The following GLCCI1 variants were observed in gnomAD, a reference collection of about 807,000 sequenced individuals.
GLCCI1 encodes the protein glucocorticoid-induced transcript 1 protein.
A neutral mutation model predicts 52.2 loss-of-function variants in GLCCI1; 24 were observed. The ratio of observed to expected loss-of-function variants is 0.46; its 90% CI spans 0.33 to 0.65. GLCCI1 has a LOEUF of 0.65. Among genes scored for constraint, GLCCI1 ranks in the 30% least tolerant of loss-of-function variants. The probability of loss-of-function intolerance (pLI) is 0.02; values close to 1 mark genes in which losing one functional copy is unlikely to be tolerated. For synonymous variants in GLCCI1, 310 were observed against 276.5 expected, an observed-to-expected ratio of 1.12 and a Z score of -1.20; for missense variants, 704 against 701.5, an observed-to-expected ratio of 1.00 and a Z score of -0.04.
chr7:8,064,279 A>G (rs1271135602), intron 5 of GLCCI1, among the ~76,000 whole-genome samples: 1 of 152,222 alleles, frequency 6.6e-6, no homozygotes, highest in African/African-American at 2.4e-5. Flanking sequence ...TTATTTTTGT[A>G]TATGGTGTGA....
intron 3 of GLCCI1, among the ~76,000 whole-genome samples, chr7:8,040,846 T>C (rs1368307261): frequency 6.6e-6 from 1 of 152,234 alleles, no homozygotes; most frequent in East Asian, 1.9e-4. Flanking sequence ...GTGCTTTGCT[T>C]CATCAACTAT....
chr7:8,039,414 G>GTA (rs1310795912), intron 3 of GLCCI1, among the ~76,000 whole-genome samples: 2 of 152,036 alleles, frequency 1.3e-5, no homozygotes, highest in African/African-American at 2.4e-5. Flanking sequence ...CTGTGTGTGT[G>GTA]TATATATATG....
At chr7:8,046,924 T>C (rs1365155175) in intron 3 of GLCCI1, among the ~76,000 whole-genome samples, 3 of 152,054 alleles carry the variant, frequency 2.0e-5, no homozygotes, top group African/African-American at 7.2e-5. Flanking sequence ...TTTCCCAAGG[T>C]TGAAAATTTG....
At chr7:7,978,498 CTA>C (rs1362445322) in intron 1 of GLCCI1, among the ~76,000 whole-genome samples, 6 of 152,036 alleles carry the variant, frequency 3.9e-5, no homozygotes, top group South Asian at 2.1e-4. Flanking sequence ...ATTTTAATCT[CTA>C]TTTTAATAAT....
chr7:8,074,289 G>C (rs1782827419), intron 6 of GLCCI1, among the ~76,000 whole-genome samples: 2 of 152,244 alleles, frequency 1.3e-5, no homozygotes, highest in Non-Finnish European at 2.9e-5. Context: ...GTGTAAAGGA[G>C]GGAGTTGTCC....
rs752689788 is a variant in GLCCI1, at chr7:7,995,900, TAAA to T, written c.458-8002_458-8000del. 2.7e-5 allele frequency among the ~76,000 whole-genome samples: 4 copies of T among 150,728 alleles called. No individual in the cohort carries two copies. The South Asian group carries it at 8.4e-4, about 32-fold the overall frequency. On this transcript the variant is annotated intron_variant, in intron 1 of 7. Transcript: ENST00000223145. Reference sequence around the variant, plus strand: ...ATATACCCTAGAACTTAAAGTATAATAAAAAAAATAAAATAAATTTTAAGTTCA... The same window carrying T: ...ATATACCCTAGAACTTAAAGTATAATAAAAATAAAATAAATTTTAAGTTCA...
At position 7,969,397 on chromosome 7, in the gene GLCCI1, C is replaced by T; in HGVS notation, c.47C>T (p.Pro16Leu). The T allele has an allele frequency of 7.0e-7, 1 of 1,437,862 alleles. No individual in the cohort carries two copies. The highest frequency in any genetic ancestry group is 1.3e-5 in the South Asian group (1 of 75,154). 89.1% of individuals were successfully genotyped at this position (1,437,862 alleles called of 1,614,324 possible). ...SSSSSSSSQT[P>L]HPPSQRMRRS... ...TCCTCCTCCAGTTCCTCTCAGACCC[C>T]TCATCCCCCGTCGCAGAGGATGAGG... Residue 16 changes from proline (P) to leucine (L), a missense_variant, in exon 1 of 8, where the codon CCT becomes CTT. Physicochemically the swap from Pro to Leu is moderately conservative, Grantham distance 98. Around this residue, in one of 3 missense-constraint regions of GLCCI1, gnomAD observed 547 missense variants for 524.8 expected, o/e 1.04. Coordinates refer to ENST00000223145, the MANE Select transcript of GLCCI1 (RefSeq NM_138426.4). The surrounding 1 kb of genome is among the most constrained non-coding windows in gnomAD (Gnocchi z 4.9).
rs1010050676 is a variant in GLCCI1, at chr7:8,044,448, G to A, written c.697-10985G>A. On this transcript the variant is annotated intron_variant, in intron 3 of 7. Coordinates refer to ENST00000223145, the MANE Select transcript of GLCCI1 (RefSeq NM_138426.4). ...AAGTGGTGTGATGTCGGCTCACTGC[G>A]GCCTCGACCTCCTGGGTTCAAGTGA... 6.0e-5 allele frequency among the ~76,000 whole-genome samples: 9 copies of A among 150,878 alleles called. No homozygotes were observed. In the East Asian group the frequency reaches 9.8e-4, roughly 16 times the overall value.
At chr7:8,060,857 A>G (rs541266340) in intron 5 of GLCCI1, among the ~76,000 whole-genome samples, 1 of 152,312 alleles carries the variant, frequency 6.6e-6, no homozygotes, top group East Asian at 1.9e-4. Context: ...AAATGCTAAC[A>G]TGGTAACTCT....
chr7:8,013,975 G>A (rs748442729), intron 2 of GLCCI1, among the ~76,000 whole-genome samples: 2 of 147,610 alleles, frequency 1.4e-5, no homozygotes, highest in South Asian at 4.3e-4. Flanking sequence ...AACAGTTATG[G>A]TACTGAAGGC....
intron 2 of GLCCI1, among the ~76,000 whole-genome samples, chr7:8,004,688 T>A (rs919185278): frequency 1.3e-5 from 2 of 152,166 alleles, no homozygotes; most frequent in Non-Finnish European, 2.9e-5. Context: ...ACTAAAAATA[T>A]AAGAGATAGT....
At chr7:8,074,927 T>C (rs1021744576) in intron 6 of GLCCI1, among the ~76,000 whole-genome samples, 36 of 152,144 alleles carry the variant, frequency 2.4e-4, no homozygotes, top group African/African-American at 8.5e-4. Flanking sequence ...AGTTCAGACA[T>C]CTGTAGGAGC....
chr7:8,033,646 C>T (rs1205840691), intron 3 of GLCCI1, among the ~76,000 whole-genome samples: 1 of 151,950 alleles, frequency 6.6e-6, no homozygotes, highest in Non-Finnish European at 1.5e-5. Context: ...TTCACAGTTG[C>T]ATCAAAAAAG....
chr7:8,010,386 A>G (rs145214241), intron 2 of GLCCI1, among the ~76,000 whole-genome samples: 145 of 152,290 alleles, frequency 9.5e-4, no homozygotes, highest in African/African-American at 3.3e-3. Context: ...ATAACTTGTA[A>G]AAGAAAAAAG....
intron 1 of GLCCI1, chr7:7,980,705 A>G: frequency 1.3e-6 from 1 of 747,280 alleles, no homozygotes; most frequent in Non-Finnish European, 2.3e-6. Flanking sequence ...AGTGATCAAC[A>G]TGGATCTCAG....
At chr7:8,083,040 G>C (rs529278512) in intron 6 of GLCCI1, among the ~76,000 whole-genome samples, 1 of 152,296 alleles carries the variant, frequency 6.6e-6, no homozygotes, top group Non-Finnish European at 1.5e-5. Context: ...GGCTGATGCT[G>C]CTTGTGCCGT....
In GLCCI1 at chr7:8,053,030, T is replaced by TTATTTATG. The variant is rs1414539485; in HGVS notation, c.697-2396_697-2395insGTATTTAT. On this transcript the variant is annotated intron_variant, in intron 3 of 7. Coordinates refer to ENST00000223145, the MANE Select transcript of GLCCI1 (RefSeq NM_138426.4). ...ATTATTTATTTATTTATTTATTTATTTATTTATTTATGCAAATGTTAACAG... is the reference window on the plus strand; with the variant it reads ...ATTATTTATTTATTTATTTATTTATTTATTTATGTATTTATTTATGCAAATGTTAACAG... Among the ~76,000 whole-genome samples the TTATTTATG allele has an allele frequency of 4.6e-5, 7 of 151,008 alleles. No homozygotes were observed. In the East Asian group the frequency reaches 9.6e-4, roughly 21 times the overall value.
intron 1 of GLCCI1, among the ~76,000 whole-genome samples, chr7:7,986,386 G>A (rs574437620): frequency 3.3e-5 from 5 of 151,890 alleles, no homozygotes; most frequent in South Asian, 2.1e-4. Context: ...GGGGGAGGGG[G>A]GGGTGGCAGG....
At chr7:8,077,273 A>C (rs926718083) in intron 6 of GLCCI1, among the ~76,000 whole-genome samples, 1 of 152,172 alleles carries the variant, frequency 6.6e-6, no homozygotes, top group Non-Finnish European at 1.5e-5. Context: ...AGAAGTATCA[A>C]CTCATAGGGA....
Sources: gnomAD v4.1 joint callset for allele counts (sites outside exome capture counted in the v4.1 genomes callset) on GRCh38, gnomAD v4.1.1 for gene constraint, gnomAD v4.1.1 regional missense constraint, Gnocchi (gnomAD v3.1) non-coding constraint, MANE v1.5 for transcripts, NCBI Gene and HGNC (gene_info 2026-07-23, HGNC 2026-07-21) for gene names.